The following FAM222A variants were observed in gnomAD, a reference collection of about 807,000 sequenced individuals.
The protein encoded by FAM222A is family with sequence similarity 222 member A.
FAM222A carries 7 observed loss-of-function variants against 25.8 expected under a neutral mutation model. The ratio of observed to expected loss-of-function variants is 0.27; its 90% CI spans 0.15 to 0.51. The LOEUF is 0.51. Among genes scored for constraint, FAM222A ranks in the 20% least tolerant of loss-of-function variants. The pLI is 0.97. For synonymous variants in FAM222A, 294 were observed against 298.8 expected (o/e 0.98, Z 0.17); for missense variants, 573 against 640.5 (o/e 0.89, Z 1.14).
At chr12:109,725,191 G>A (rs1592778581) in intron 1 of FAM222A, among the ~76,000 whole-genome samples, 1 of 152,292 alleles carries the variant, frequency 6.6e-6, no homozygotes, top group Middle Eastern at 3.4e-3. Context: ...TACACAGCAA[G>A]AAAATAGCAG....
intron 1 of FAM222A, among the ~76,000 whole-genome samples, chr12:109,728,292 T>G (rs1887879730): frequency 6.6e-6 from 1 of 152,090 alleles, no homozygotes. Flanking sequence ...GTAAGCAGTG[T>G]GAGGATCAGA....
intron 1 of FAM222A, among the ~76,000 whole-genome samples, chr12:109,731,189 G>A (rs1475716921): frequency 1.3e-5 from 2 of 152,106 alleles, no homozygotes; most frequent in Non-Finnish European, 2.9e-5. Flanking sequence ...GGAGCCAGAG[G>A]GGTAGTGCCT....
At chr12:109,731,585 C>T (rs1273016285) in intron 1 of FAM222A, among the ~76,000 whole-genome samples, 1 of 152,202 alleles carries the variant, frequency 6.6e-6, no homozygotes, top group Admixed American at 6.5e-5. Flanking sequence ...ACCCCCTGCC[C>T]AGACCTCCTG....
chr12:109,733,403 ACAT>A (rs1381659155), intron 1 of FAM222A, among the ~76,000 whole-genome samples: 15 of 151,492 alleles, frequency 9.9e-5, no homozygotes, highest in African/African-American at 3.7e-4. Flanking sequence ...TCCCATTATT[ACAT>A]TTTTTTTTTT....
chr12:109,730,111 C>A (rs1197620731), intron 1 of FAM222A, among the ~76,000 whole-genome samples: 1 of 152,192 alleles, frequency 6.6e-6, no homozygotes, highest in African/African-American at 2.4e-5. Context: ...TGGCCTGCGT[C>A]CACTCTTCCC....
intron 1 of FAM222A, among the ~76,000 whole-genome samples, chr12:109,736,399 C>T (rs950999966): frequency 4.6e-5 from 7 of 152,210 alleles, no homozygotes; most frequent in Non-Finnish European, 7.3e-5. Context: ...CTTTTGCAGA[C>T]GCAGAAACTA....
In FAM222A at chr12:109,768,649, C is replaced by G. The variant is rs540424098; in HGVS notation, c.720C>G (p.Pro240=). Reference sequence around the variant, plus strand: ...AGCACGGCCCAGTGCCCAGCTTCCCCAGCATGGCCTACTCGGCTGCAGCCG... The same window carrying G: ...AGCACGGCCCAGTGCCCAGCTTCCCGAGCATGGCCTACTCGGCTGCAGCCG... ...PAKHGPVPSF[P]SMAYSAAAGL... is the part of the protein sequence containing the mutation. The change falls in exon 3 of 3, where the codon CCC becomes CCG. Residue 240 remains proline, a synonymous_variant. Transcript: ENST00000538780. The G allele has an allele frequency of 4.5e-5, 72 of 1,600,792 alleles. No individual in the cohort carries two copies. The African/African-American group carries it at 9.3e-4, about 21-fold the overall frequency.
At chr12:109,748,189 T>A (rs1026175460) in intron 2 of FAM222A, among the ~76,000 whole-genome samples, 1 of 152,226 alleles carries the variant, frequency 6.6e-6, no homozygotes, top group African/African-American at 2.4e-5. Flanking sequence ...ACTGAACTTA[T>A]TGAACTGGGG....
At chr12:109,757,050 A>C (rs1019005683) in intron 2 of FAM222A, among the ~76,000 whole-genome samples, 1 of 152,154 alleles carries the variant, frequency 6.6e-6, no homozygotes, top group African/African-American at 2.4e-5. Flanking sequence ...CAATTTCTCA[A>C]GTTAGTCTTG....
In FAM222A at chr12:109,762,390, A is replaced by T. The variant is rs191050588; in HGVS notation, c.83-5622A>T. ...TTCCAAGGATGGAGGTCCCAAGAGA[A>T]CATATTCCAGGTGGAAGGCACATTG... On this transcript the variant is annotated intron_variant, in intron 2 of 2. Transcript: ENST00000538780. Among the ~76,000 whole-genome samples, 31 of 152,334 alleles carry T rather than the reference A, an allele frequency of 2.0e-4. 1 individual carries two copies. Among genetic ancestry groups the T allele is most frequent in the Admixed American group, 1.9e-3 (29 of 15,306 alleles).
chr12:109,742,843 CTTG>C (rs1008886833), intron 1 of FAM222A, among the ~76,000 whole-genome samples: 21 of 152,034 alleles, frequency 1.4e-4, no homozygotes, highest in Admixed American at 6.6e-4. Flanking sequence ...TAACAAGGAG[CTTG>C]TTGTGAAATT....
chr12:109,753,512 C>T (rs893457089), intron 2 of FAM222A, among the ~76,000 whole-genome samples: 6 of 151,766 alleles, frequency 4.0e-5, no homozygotes, highest in Non-Finnish European at 7.4e-5. Flanking sequence ...GAGAGGACCC[C>T]GCAGGGCCTA....
At chr12:109,766,231 C>T (rs1189371018) in intron 2 of FAM222A, among the ~76,000 whole-genome samples, 1 of 152,238 alleles carries the variant, frequency 6.6e-6, no homozygotes, top group Non-Finnish European at 1.5e-5. Context: ...AACTCCACCA[C>T]CACCACTCTC....
intron 1 of FAM222A, among the ~76,000 whole-genome samples, chr12:109,729,396 G>A (rs1887900823): frequency 6.6e-6 from 1 of 152,088 alleles, no homozygotes; most frequent in Non-Finnish European, 1.5e-5. Flanking sequence ...CCCATCCCCG[G>A]CCAGCAAGAG....
chr12:109,723,002 T>TGGGGGG (rs141202990), intron 1 of FAM222A, among the ~76,000 whole-genome samples: 1 of 61,892 alleles, frequency 1.6e-5, no homozygotes, highest in African/African-American at 4.1e-5. Flanking sequence ...AGGGAGCGGG[T>TGGGGGG]GGGGGGGGGA....
intron 1 of FAM222A, among the ~76,000 whole-genome samples, chr12:109,739,473 G>T (rs1466071305): frequency 6.6e-6 from 1 of 152,220 alleles, no homozygotes; most frequent in African/African-American, 2.4e-5. Flanking sequence ...GAATGGGTGG[G>T]TAAGAAGCAA....
At chr12:109,728,200 G>A (rs762107475) in intron 1 of FAM222A, among the ~76,000 whole-genome samples, 5 of 152,150 alleles carry the variant, frequency 3.3e-5, no homozygotes, top group Admixed American at 2.0e-4. Context: ...TGGGTGGGTC[G>A]TGGGTGTTGA....
chr12:109,767,405 A>G (rs1438729139), intron 2 of FAM222A, among the ~76,000 whole-genome samples: 1 of 152,164 alleles, frequency 6.6e-6, no homozygotes, highest in Non-Finnish European at 1.5e-5. Flanking sequence ...GCGCATGCCT[A>G]GGATCACTTG....
chr12:109,759,595 C>T (rs912692988), intron 2 of FAM222A, among the ~76,000 whole-genome samples: 1 of 152,202 alleles, frequency 6.6e-6, no homozygotes, highest in African/African-American at 2.4e-5. Context: ...TTAATGGCAG[C>T]GGCAGTTCGT....
Sources: allele counts gnomAD v4.1 joint callset (sites outside exome capture counted in the v4.1 genomes callset), GRCh38; gene constraint gnomAD v4.1.1; transcripts MANE v1.5; gene names NCBI Gene and HGNC (gene_info 2026-07-23, HGNC 2026-07-21).